The following PRKN variants were observed in gnomAD, a reference collection of about 807,000 sequenced individuals.
The protein encoded by PRKN is E3 ubiquitin-protein ligase parkin.
PRKN carries 56 observed loss-of-function variants against 59.5 expected under a neutral mutation model. The ratio of observed to expected loss-of-function variants is 0.94; its 90% CI spans 0.76 to 1.18. The LOEUF is 1.18. Ranked by LOEUF, PRKN falls within the 50% of genes most tolerant of loss-of-function variation. PRKN has a pLI of 0.00. For missense variants in PRKN, 657 were observed against 596.4 expected, an observed-to-expected ratio of 1.10 and a Z score of -1.06; for synonymous variants, 250 against 222.1, an observed-to-expected ratio of 1.13 and a Z score of -1.12.
intron 2 of PRKN, among the ~76,000 whole-genome samples, chr6:162,356,747 TAAAAAAAA>T (rs748212596): frequency 1.4e-5 from 1 of 73,066 alleles, no homozygotes; most frequent in African/African-American, 4.9e-5. Context: ...TGATTATTAG[TAAAAAAAA>T]AAAAAAAAAA....
chr6:162,134,026 TACA>T (rs769638126), intron 4 of PRKN, among the ~76,000 whole-genome samples: 1 of 152,204 alleles, frequency 6.6e-6, no homozygotes, highest in African/African-American at 2.4e-5. Context: ...TGGGAGATGC[TACA>T]ACAAGATTCT....
intron 7 of PRKN, among the ~76,000 whole-genome samples, chr6:161,687,936 T>A (rs564543157): frequency 3.7e-4 from 56 of 152,294 alleles, no homozygotes; most frequent in Middle Eastern, 3.4e-3. Context: ...CCCAACATAC[T>A]TTCCTTAGGT....
intron 6 of PRKN, among the ~76,000 whole-genome samples, chr6:161,932,660 G>C (rs1193487763): frequency 6.6e-6 from 1 of 152,146 alleles, no homozygotes; most frequent in Non-Finnish European, 1.5e-5. Flanking sequence ...AAAAAATTAT[G>C]TTTTATGTGT....
In PRKN at chr6:161,357,144, C is replaced by T. The variant is rs1582963377; in HGVS notation, c.1285+2944G>A. Among the ~76,000 whole-genome samples the T allele has an allele frequency of 6.6e-6, 1 of 151,692 alleles. No individual in the cohort carries two copies. The highest frequency in any genetic ancestry group is 1.9e-4 in the East Asian group (1 of 5,160). The stretch of plus-strand genomic sequence containing the variant: ...TCAGCTCACTGCAAATTCCGCCTCC[C>T]AGGTTCAAGTAATTCTCCTGCCTCA... On this transcript the variant is annotated intron_variant, in intron 11 of 11. Coordinates refer to ENST00000366898, the MANE Select transcript of PRKN (RefSeq NM_004562.3). The surrounding 1 kb of genome is among the most constrained non-coding windows in gnomAD (Gnocchi z 5.5).
chr6:162,205,988 C>G (rs1303789974), intron 3 of PRKN, among the ~76,000 whole-genome samples: 1 of 152,128 alleles, frequency 6.6e-6, no homozygotes, highest in Admixed American at 6.5e-5. Context: ...AGTGAAACAG[C>G]TTGTTTTAAT....
At chr6:162,709,835 G>A (rs1220633306) in intron 1 of PRKN, among the ~76,000 whole-genome samples, 2 of 147,478 alleles carry the variant, frequency 1.4e-5, no homozygotes, top group Non-Finnish European at 3.0e-5. Context: ...ATTGGGTCCA[G>A]GAATATAAAA....
At chr6:161,741,313 C>T (rs761285802) in intron 7 of PRKN, among the ~76,000 whole-genome samples, 34 of 152,238 alleles carry the variant, frequency 2.2e-4, no homozygotes, top group Admixed American at 2.0e-3. Context: ...GATTCAAAGC[C>T]CTCAAAATTG....
chr6:161,706,750 G>T (rs1583032765), intron 7 of PRKN, among the ~76,000 whole-genome samples: 1 of 152,166 alleles, frequency 6.6e-6, no homozygotes, highest in East Asian at 1.9e-4. Flanking sequence ...TAGGGATGGG[G>T]TTTTGCCATG....
intron 2 of PRKN, among the ~76,000 whole-genome samples, chr6:162,398,310 T>A (rs1787579063): frequency 6.6e-6 from 1 of 152,154 alleles, no homozygotes; most frequent in East Asian, 1.9e-4. Context: ...TAGGTAGTTA[T>A]AATGTTTTTC....
At chr6:162,129,586 CCAAA>C (rs544674020) in intron 4 of PRKN, among the ~76,000 whole-genome samples, 13 of 152,138 alleles carry the variant, frequency 8.5e-5, no homozygotes, top group South Asian at 2.1e-4. Context: ...CCTCAATGTA[CCAAA>C]CAGAGTGTGA....
At chr6:162,293,729 G>A (rs1583327479) in intron 2 of PRKN, among the ~76,000 whole-genome samples, 1 of 152,200 alleles carries the variant, frequency 6.6e-6, no homozygotes, top group South Asian at 2.1e-4. Flanking sequence ...TGTACTCCAG[G>A]GCTGTGGGAA....
At chr6:162,630,309 T>G (rs1783057419) in intron 1 of PRKN, among the ~76,000 whole-genome samples, 1 of 152,180 alleles carries the variant, frequency 6.6e-6, no homozygotes, top group Admixed American at 6.6e-5. Context: ...TTCTTCGTAC[T>G]AATGCTGCAC....
chr6:162,524,986 T>G (rs2128194589), intron 1 of PRKN, among the ~76,000 whole-genome samples: 1 of 152,310 alleles, frequency 6.6e-6, no homozygotes, highest in South Asian at 2.1e-4. Flanking sequence ...TGTAAGTGAC[T>G]GATCTTTCCT....
At chr6:162,390,522 AC>A (rs1787126902) in intron 2 of PRKN, among the ~76,000 whole-genome samples, 1 of 151,336 alleles carries the variant, frequency 6.6e-6, no homozygotes, top group Non-Finnish European at 1.5e-5. Flanking sequence ...GCTCACTGCA[AC>A]CTTCGCCTCC....
At chr6:162,707,855 T>C (rs889064116) in intron 1 of PRKN, among the ~76,000 whole-genome samples, 1 of 151,918 alleles carries the variant, frequency 6.6e-6, no homozygotes, top group Admixed American at 6.6e-5. Context: ...GCTGGGATTA[T>C]AGGCATAAGC....
intron 2 of PRKN, among the ~76,000 whole-genome samples, chr6:162,339,748 T>C (rs568146620): frequency 2.0e-5 from 3 of 152,000 alleles, no homozygotes; most frequent in East Asian, 3.9e-4. Context: ...CGTGTCTGTG[T>C]AGAAAGAAGT....
intron 1 of PRKN, among the ~76,000 whole-genome samples, chr6:162,529,633 G>C (rs1286046541): frequency 2.0e-5 from 3 of 152,100 alleles, no homozygotes; most frequent in African/African-American, 7.2e-5. Flanking sequence ...CCATGTCTCA[G>C]GCAGCAGTGA....
At chr6:162,388,785 T>G (rs1786990367) in intron 2 of PRKN, among the ~76,000 whole-genome samples, 1 of 152,132 alleles carries the variant, frequency 6.6e-6, no homozygotes. Context: ...TCTACTCTGC[T>G]GGGATGCCAG....
intron 4 of PRKN, among the ~76,000 whole-genome samples, chr6:162,160,781 C>G (rs1782715984): frequency 6.7e-6 from 1 of 149,520 alleles, no homozygotes; most frequent in Non-Finnish European, 1.5e-5. Context: ...GTCCCAGCTA[C>G]TCGGGAGGCT....
Sources: gnomAD v4.1 joint callset for allele counts (sites outside exome capture counted in the v4.1 genomes callset) on GRCh38, gnomAD v4.1.1 for gene constraint, Gnocchi (gnomAD v3.1) non-coding constraint, MANE v1.5 for transcripts, NCBI Gene and HGNC (gene_info 2026-07-23, HGNC 2026-07-21) for gene names.